The following CTNNBL1 variants were observed in gnomAD, a reference collection of about 807,000 sequenced individuals.
CTNNBL1 encodes catenin beta like 1, also known as beta-catenin-like protein 1.
In CTNNBL1, 31 loss-of-function variants were observed where a neutral mutation model predicts 72.7. That is an observed-to-expected ratio of 0.43 (90% confidence interval 0.32 to 0.58). The LOEUF is 0.58. Among genes scored for constraint, CTNNBL1 ranks in the 20% least tolerant of loss-of-function variants. The pLI, the probability that CTNNBL1 is intolerant of heterozygous loss-of-function variation, is 0.08. For synonymous variants in CTNNBL1, 240 were observed against 267.3 expected, an observed-to-expected ratio of 0.90 and a Z score of 1.00; for missense variants, 534 against 725.1, an observed-to-expected ratio of 0.74 and a Z score of 3.03.
intron 14 of CTNNBL1, 21 bp from the exon 15 acceptor site, chr20:37,860,251 A>G: frequency 6.2e-7 from 1 of 1,606,236 alleles, no homozygotes; most frequent in South Asian, 1.1e-5. Context: ...TTCTTTCTCT[A>G]CCCATTTTTT....
intron 10 of CTNNBL1, 124 bp from the exon 11 acceptor site, chr20:37,802,743 G>A (rs1187724807): frequency 1.3e-6 from 1 of 742,880 alleles, no homozygotes; most frequent in Non-Finnish European, 2.2e-6. Context: ...TCTCCTAATT[G>A]TTAACAAGTA....
chr20:37,731,266 A>G (rs533141814), intron 1 of CTNNBL1, among the ~76,000 whole-genome samples: 20 of 146,834 alleles, frequency 1.4e-4, no homozygotes, highest in Admixed American at 2.7e-4. Context: ...ACGGAGTTTC[A>G]CTCTTGTTGC....
intron 1 of CTNNBL1, among the ~76,000 whole-genome samples, chr20:37,718,247 C>G (rs1423886321): frequency 1.4e-5 from 2 of 144,950 alleles, no homozygotes; most frequent in Non-Finnish European, 3.0e-5. Context: ...CTGACCCCCC[C>G]ACCTCCCTCC....
intron 5 of CTNNBL1, among the ~76,000 whole-genome samples, chr20:37,763,626 T>C (rs2073437959): frequency 6.6e-6 from 1 of 152,214 alleles, no homozygotes; most frequent in African/African-American, 2.4e-5. Flanking sequence ...GTTTGAATTG[T>C]GTCTATAGAA....
intron 4 of CTNNBL1, among the ~76,000 whole-genome samples, chr20:37,747,394 A>AG (rs1341294594): frequency 6.6e-6 from 1 of 151,336 alleles, no homozygotes; most frequent in Admixed American, 6.6e-5. Flanking sequence ...AAAAAAAAAA[A>AG]AAAAAAAAAA....
chr20:37,730,341 C>A (rs749653843), intron 1 of CTNNBL1, among the ~76,000 whole-genome samples: 1 of 152,132 alleles, frequency 6.6e-6, no homozygotes, highest in Non-Finnish European at 1.5e-5. Flanking sequence ...AAGAATCTAA[C>A]ACAAATGTTT....
intron 10 of CTNNBL1, among the ~76,000 whole-genome samples, chr20:37,780,014 G>A (rs1228707344): frequency 6.6e-6 from 1 of 151,904 alleles, no homozygotes; most frequent in Non-Finnish European, 1.5e-5. Context: ...GTAGAGAAGT[G>A]TGTGGGGGAA....
At position 37,810,538 on chromosome 20, in the gene CTNNBL1, T is replaced by C. The variant is rs74766074; in HGVS notation, c.1213+7490T>C. ...GGGATAAACCACATCTAGACCATAA[T>C]AGGTGGGTTGATAAATGTTGGTTTA... On this transcript the variant is annotated intron_variant, in intron 11 of 15. Coordinates refer to ENST00000361383, the MANE Select transcript of CTNNBL1 (RefSeq NM_030877.5). 3.0e-3 allele frequency among the ~76,000 whole-genome samples: 462 copies of C among 152,204 alleles called. 4 individuals are homozygous for C. The highest frequency in any genetic ancestry group is 1.0e-2 in the African/African-American group (414 of 41,516).
chr20:37,767,894 C>T, intron 6 of CTNNBL1, 59 bp from the exon 7 acceptor site: 1 of 1,381,012 alleles, frequency 7.2e-7, no homozygotes, highest in Non-Finnish European at 1.0e-6. Flanking sequence ...GGGAAGCAAG[C>T]TTGTTGCAGA....
intron 11 of CTNNBL1, among the ~76,000 whole-genome samples, chr20:37,823,940 A>G (rs2072133957): frequency 6.6e-6 from 1 of 152,234 alleles, no homozygotes; most frequent in Non-Finnish European, 1.5e-5. Flanking sequence ...GACTCCTTAC[A>G]AAAGACCAAA....
At chr20:37,776,653 G>A (rs1342432633) in intron 7 of CTNNBL1, among the ~76,000 whole-genome samples, 1 of 152,142 alleles carries the variant, frequency 6.6e-6, no homozygotes, top group African/African-American at 2.4e-5. Context: ...ACTGAGGACA[G>A]CCATGAAAGA....
chr20:37,782,537 C>G (rs932314480), intron 10 of CTNNBL1, among the ~76,000 whole-genome samples: 2 of 152,048 alleles, frequency 1.3e-5, no homozygotes, highest in Non-Finnish European at 2.9e-5. Flanking sequence ...ACTATCCAGT[C>G]GAAATGTAAT....
intron 11 of CTNNBL1, among the ~76,000 whole-genome samples, chr20:37,830,643 A>ATTT (rs1401850893): frequency 6.6e-6 from 1 of 152,174 alleles, no homozygotes; most frequent in Non-Finnish European, 1.5e-5. Context: ...TCAACGTACC[A>ATTT]TGGGGTTATG....
Position 37,864,940 on chromosome 20 carries a change from CA to C in CTNNBL1, c.1603+4598del, listed in dbSNP as rs1448738243. ...ACAGTGTCATTACCTCTGGTCCTCA[CA>C]ACAGGCCTAGAAAGTGGGGTAACAA... On this transcript the variant is annotated intron_variant, in intron 15 of 15. Transcript: ENST00000361383. Among the ~76,000 whole-genome samples, 5 of 152,262 alleles carry C rather than the reference CA, an allele frequency of 3.3e-5. No individual in the cohort carries two copies. In the East Asian group the frequency reaches 5.8e-4, roughly 18 times the overall value.
chr20:37,775,432 G>A lies in CTNNBL1; in HGVS notation c.751-1913G>A, dbSNP rs139385097. 7.4e-4 allele frequency among the ~76,000 whole-genome samples: 113 copies of A among 152,306 alleles called. 1 individual carries two copies. The East Asian group carries it at 0.02, about 27-fold the overall frequency. Reference sequence around the variant, plus strand: ...CTCCTGGTTAATGCAGTGTTCAACAGATGTCACATTTCACTGTGTTCTCCT... The same window carrying A: ...CTCCTGGTTAATGCAGTGTTCAACAAATGTCACATTTCACTGTGTTCTCCT... On this transcript the variant is annotated intron_variant, in intron 7 of 15. Coordinates refer to ENST00000361383, the MANE Select transcript of CTNNBL1 (RefSeq NM_030877.5).
chr20:37,753,034 A>C lies in CTNNBL1; in HGVS notation c.467-4525A>C, dbSNP rs527345349. 2.0e-5 allele frequency among the ~76,000 whole-genome samples: 3 copies of C among 152,046 alleles called. No homozygotes were observed. The South Asian group carries it at 6.2e-4, about 32-fold the overall frequency. On this transcript the variant is annotated intron_variant, in intron 4 of 15. Transcript: ENST00000361383. ...CTGGAGGGATAGCCAACCATGCTGA[A>C]TTTTCTCATCAAGATTGAGAGTTTG...
intron 4 of CTNNBL1, among the ~76,000 whole-genome samples, chr20:37,749,649 T>A (rs943264704): frequency 6.6e-6 from 1 of 152,186 alleles, no homozygotes; most frequent in Non-Finnish European, 1.5e-5. Context: ...GCATTTGAAA[T>A]TTTTTAAATT....
chr20:37,863,866 C>T (rs1276699333), intron 15 of CTNNBL1, among the ~76,000 whole-genome samples: 4 of 152,262 alleles, frequency 2.6e-5, no homozygotes, highest in East Asian at 3.9e-4. Context: ...CCAAACATCA[C>T]GCTGGCAATT....
intron 1 of CTNNBL1, among the ~76,000 whole-genome samples, chr20:37,715,934 C>T (rs761433534): frequency 3.3e-5 from 5 of 152,106 alleles, no homozygotes; most frequent in Non-Finnish European, 7.4e-5. Flanking sequence ...ATTCACTTTA[C>T]ATTCCTTTAT....
Sources: gnomAD v4.1 joint callset for allele counts (sites outside exome capture counted in the v4.1 genomes callset) on GRCh38, gnomAD v4.1.1 for gene constraint, MANE v1.5 for transcripts, NCBI Gene and HGNC (gene_info 2026-07-23, HGNC 2026-07-21) for gene names.